The following SGCZ variants were observed in gnomAD, a reference collection of about 807,000 sequenced individuals.
SGCZ encodes zeta-sarcoglycan.
A neutral mutation model predicts 41.3 loss-of-function variants in SGCZ; 40 were observed. The observed-to-expected ratio is 0.97, with a 90% confidence interval of 0.75 to 1.26. The LOEUF is 1.26. SGCZ is among the 50% of genes most tolerant of loss of function. The pLI, the probability that SGCZ is intolerant of heterozygous loss-of-function variation, is 0.00. For missense variants in SGCZ, 552 were observed against 369.8 expected, an observed-to-expected ratio of 1.49 and a Z score of -4.04; for synonymous variants, 206 against 137.5, an observed-to-expected ratio of 1.50 and a Z score of -3.49.
chr8:14,122,479 C>G (rs1450902879), intron 5 of SGCZ, among the ~76,000 whole-genome samples: 1 of 152,100 alleles, frequency 6.6e-6, no homozygotes, highest in Non-Finnish European at 1.5e-5. Context: ...ATGTTAAGAA[C>G]AGTCCATGTA....
At chr8:15,106,310 T>C (rs895701480) in intron 1 of SGCZ, among the ~76,000 whole-genome samples, 2 of 152,116 alleles carry the variant, frequency 1.3e-5, no homozygotes, top group African/African-American at 4.8e-5. Context: ...TAAGACAAGT[T>C]TTGAGAACAT....
intron 1 of SGCZ, among the ~76,000 whole-genome samples, chr8:15,012,594 A>AT (rs1554540048): frequency 1.5e-5 from 2 of 137,486 alleles, no homozygotes; most frequent in East Asian, 2.0e-4. Flanking sequence ...ACATATAAAT[A>AT]TATATTTATA....
chr8:14,131,766 C>T (rs1045559722), intron 5 of SGCZ, among the ~76,000 whole-genome samples: 67 of 152,224 alleles, frequency 4.4e-4, no homozygotes, highest in African/African-American at 1.4e-3. Context: ...TATATGACAG[C>T]GATCCCTTAA....
intron 1 of SGCZ, among the ~76,000 whole-genome samples, chr8:14,747,879 A>ATTTT (rs375144725): frequency 2.3e-5 from 3 of 130,330 alleles, no homozygotes; most frequent in Non-Finnish European, 3.2e-5. Flanking sequence ...CAACTGACTA[A>ATTTT]TTTTTTTTTT....
chr8:14,430,467 C>T (rs1799912852), intron 2 of SGCZ, among the ~76,000 whole-genome samples: 1 of 152,086 alleles, frequency 6.6e-6, no homozygotes, highest in Admixed American at 6.6e-5. Flanking sequence ...TCATCAGATG[C>T]AGAAAAAGCA....
chr8:14,949,822 G>A (rs896524718), intron 1 of SGCZ, among the ~76,000 whole-genome samples: 2 of 151,964 alleles, frequency 1.3e-5, no homozygotes, highest in Non-Finnish European at 2.9e-5. Context: ...AAGTAATAAA[G>A]GTTTATAGTC....
At chr8:14,969,215 A>T (rs535104418) in intron 1 of SGCZ, among the ~76,000 whole-genome samples, 4 of 152,244 alleles carry the variant, frequency 2.6e-5, no homozygotes, top group Non-Finnish European at 5.9e-5. Flanking sequence ...TCATCTTCTT[A>T]GTTATTAAAT....
chr8:14,100,203 A>C (rs1420954812), intron 7 of SGCZ, among the ~76,000 whole-genome samples: 1 of 151,930 alleles, frequency 6.6e-6, no homozygotes, highest in African/African-American at 2.4e-5. Context: ...ACAGATGAAA[A>C]CCTGTGGCTA....
At position 14,803,987 on chromosome 8, in the gene SGCZ, AG is replaced by A. The variant is rs1801436918; in HGVS notation, c.40-249062del. 2.4e-5 allele frequency among the ~76,000 whole-genome samples: 3 copies of A among 123,180 alleles called. 1 individual carries two copies. The highest frequency in any genetic ancestry group is 1.1e-4 in the African/African-American group (3 of 26,912). 80.8% of individuals were successfully genotyped at this position (123,180 alleles called of 152,430 possible). ...TGGGCACACTGACACCTCACACGGC[AG>A]GGTATTCCAACAGACCTGCACCTGA... is the stretch of plus-strand genomic sequence containing the variant. On this transcript the variant is annotated intron_variant, in intron 1 of 7. Coordinates refer to ENST00000382080, the MANE Select transcript of SGCZ (RefSeq NM_139167.4).
chr8:14,426,779 G>A (rs1799794474), intron 2 of SGCZ, among the ~76,000 whole-genome samples: 1 of 152,026 alleles, frequency 6.6e-6, no homozygotes, highest in East Asian at 1.9e-4. Context: ...AGGTACAGGT[G>A]TTTTACTAAA....
intron 2 of SGCZ, among the ~76,000 whole-genome samples, chr8:14,337,554 C>T (rs1229090589): frequency 1.3e-5 from 2 of 152,002 alleles, no homozygotes. Context: ...AAAGTGATGA[C>T]CCAGTTAAGT....
chr8:15,057,990 T>G (rs1563474448), intron 1 of SGCZ, among the ~76,000 whole-genome samples: 1 of 152,164 alleles, frequency 6.6e-6, no homozygotes, highest in African/African-American at 2.4e-5. Context: ...AGCTGAATTT[T>G]CAAATACAAG....
At chr8:14,599,694 A>C (rs1805525592) in intron 1 of SGCZ, among the ~76,000 whole-genome samples, 1 of 152,148 alleles carries the variant, frequency 6.6e-6, no homozygotes, top group Non-Finnish European at 1.5e-5. Context: ...TTTCCTAATA[A>C]ATGAACACGT....
intron 2 of SGCZ, among the ~76,000 whole-genome samples, chr8:14,329,295 C>A (rs1176305721): frequency 6.6e-6 from 1 of 152,096 alleles, no homozygotes; most frequent in African/African-American, 2.4e-5. Flanking sequence ...AGACAAATAA[C>A]AGTATTCCTC....
chr8:14,391,953 G>C (rs919573985), intron 2 of SGCZ, among the ~76,000 whole-genome samples: 1 of 151,932 alleles, frequency 6.6e-6, no homozygotes, highest in East Asian at 1.9e-4. Flanking sequence ...AGTACAAACG[G>C]GGAGATTCAC....
At chr8:14,229,390 C>T (rs769322914) in intron 4 of SGCZ, among the ~76,000 whole-genome samples, 4 of 152,136 alleles carry the variant, frequency 2.6e-5, no homozygotes, top group Non-Finnish European at 2.9e-5. Context: ...ATTTCTAAAG[C>T]GTGACATCCT....
At chr8:14,508,616 C>T (rs191366630) in intron 2 of SGCZ, among the ~76,000 whole-genome samples, 7 of 152,248 alleles carry the variant, frequency 4.6e-5, no homozygotes, top group Non-Finnish European at 8.8e-5. Flanking sequence ...TGGTGGGTCA[C>T]TAACTTTCCC....
chr8:14,466,228 G>C (rs1169496507), intron 2 of SGCZ, among the ~76,000 whole-genome samples: 2 of 151,914 alleles, frequency 1.3e-5, no homozygotes, highest in Non-Finnish European at 1.5e-5. Flanking sequence ...TCAATGGACA[G>C]TTTGTTGGAT....
intron 1 of SGCZ, 147 bp downstream of exon 1, chr8:15,237,438 G>T: frequency 2.1e-6 from 2 of 944,974 alleles, no homozygotes; most frequent in African/African-American, 1.6e-5. Context: ...AGGGGCGCCT[G>T]CGCCCGGGTG....
Sources: gnomAD v4.1 joint callset for allele counts (sites outside exome capture counted in the v4.1 genomes callset) on GRCh38, gnomAD v4.1.1 for gene constraint, MANE v1.5 for transcripts, NCBI Gene and HGNC (gene_info 2026-07-23, HGNC 2026-07-21) for gene names.